Variants in NDUFA10 observed in about 807,000 individuals in gnomAD.
The protein encoded by NDUFA10 is NADH dehydrogenase [ubiquinone] 1 alpha subcomplex subunit 10, mitochondrial.
A neutral mutation model predicts 47.8 loss-of-function variants in NDUFA10; 40 were observed. The ratio of observed to expected loss-of-function variants is 0.84; its 90% CI spans 0.65 to 1.09. NDUFA10 has a LOEUF of 1.09. Among genes scored for constraint, NDUFA10 ranks in the 50% least tolerant of loss-of-function variants. NDUFA10 has a pLI of 0.00. For missense variants in NDUFA10, 413 were observed against 451.1 expected (o/e 0.92, Z 0.76); for synonymous variants, 183 against 172.2 (o/e 1.06, Z -0.49).
rs1227788324 is a variant in NDUFA10 at position 239,945,445 on chromosome 2, A to G, written c.294+44629T>C. Reference sequence around the variant, plus strand: ...TCCAGCTCCTTTCAAAGACGCTGGGAGGCCCCTCGGGGGAAGAGCGGACAC... The same window carrying G: ...TCCAGCTCCTTTCAAAGACGCTGGGGGGCCCCTCGGGGGAAGAGCGGACAC... On this transcript the variant is annotated intron_variant, in intron 4 of 5. Coordinates refer to the NDUFA10 transcript ENST00000419408. This position sits in a 1 kb window ranked among gnomAD's most constrained non-coding sequence, Gnocchi z 4.6. 6.6e-6 allele frequency among the ~76,000 whole-genome samples: 1 copy of G among 152,060 alleles called. No homozygotes were observed. The highest frequency in any genetic ancestry group is 1.5e-5 in the Non-Finnish European group (1 of 68,010).
At chr2:239,917,648 G>T (rs1693899883) in intron 4 of NDUFA10, among the ~76,000 whole-genome samples, 1 of 152,240 alleles carries the variant, frequency 6.6e-6, no homozygotes, top group Non-Finnish European at 1.5e-5. Flanking sequence ...TTGACTAATT[G>T]TTTTGCCTCT....
At chr2:240,007,229 G>A in intron 7 of NDUFA10, 87 bp downstream of exon 7, 2 of 990,854 alleles carry the variant, frequency 2.0e-6, no homozygotes, top group Non-Finnish European at 1.6e-6. Context: ...AAGACCAGTG[G>A]GAATCTAACT....
At chr2:240,014,563 C>T (rs1697258820) in intron 5 of NDUFA10, 176 bp downstream of exon 5, 1 of 1,020,802 alleles carries the variant, frequency 9.8e-7, no homozygotes, top group Non-Finnish European at 1.5e-6. Context: ...CCAGGCCGAG[C>T]CATGGGGTCT....
intron 4 of NDUFA10, among the ~76,000 whole-genome samples, chr2:239,925,304 G>A (rs980826650): frequency 6.6e-6 from 1 of 152,074 alleles, no homozygotes; most frequent in Non-Finnish European, 1.5e-5. Context: ...CCATCATTAC[G>A]GTAATCAAGA....
intron 2 of NDUFA10, 102 bp from the exon 3 acceptor site, chr2:240,021,514 G>A (rs570304330): frequency 3.4e-5 from 35 of 1,030,064 alleles, no homozygotes; most frequent in Middle Eastern, 5.8e-4. Context: ...GAATCTCACC[G>A]CCAGGGATGG....
intron 9 of NDUFA10, among the ~76,000 whole-genome samples, chr2:239,966,229 G>A (rs1695053072): frequency 6.6e-6 from 1 of 152,202 alleles, no homozygotes; most frequent in Non-Finnish European, 1.5e-5. Flanking sequence ...GGCTGACTCA[G>A]TGTACAAACC....
At chr2:239,978,522 C>A (rs1444767348) in intron 9 of NDUFA10, among the ~76,000 whole-genome samples, 2 of 152,180 alleles carry the variant, frequency 1.3e-5, no homozygotes, top group African/African-American at 4.8e-5. Context: ...GCAGAAAGCT[C>A]TTCTGACCAA....
chr2:239,957,003 G>GGCCCTCTGCACTCTCCTCA (rs1694671871), downstream of NDUFA10, among the ~76,000 whole-genome samples: 1 of 152,138 alleles, frequency 6.6e-6, no homozygotes, highest in Non-Finnish European at 1.5e-5. Flanking sequence ...TCGCCTCCCA[G>GGCCCTCTGCACTCTCCTCA]GCCCTCTGCA....
At chr2:239,895,648 T>C (rs1261744700) in intron 4 of NDUFA10, among the ~76,000 whole-genome samples, 1 of 152,242 alleles carries the variant, frequency 6.6e-6, no homozygotes, top group African/African-American at 2.4e-5. Context: ...TTACTGTTCA[T>C]TTTATATTGT....
chr2:240,015,768 A>C (rs780056577), intron 4 of NDUFA10, among the ~76,000 whole-genome samples: 1 of 152,260 alleles, frequency 6.6e-6, no homozygotes, highest in Non-Finnish European at 1.5e-5. Flanking sequence ...GGCCATGCTG[A>C]GAAGCCATCC....
chr2:239,923,962 A>G (rs1261280861), intron 4 of NDUFA10, among the ~76,000 whole-genome samples: 1 of 152,146 alleles, frequency 6.6e-6, no homozygotes, highest in Non-Finnish European at 1.5e-5. Context: ...AAATATTACA[A>G]ACATTACTGC....
At chr2:239,911,776 C>T (rs1474284407) in intron 4 of NDUFA10, among the ~76,000 whole-genome samples, 2 of 151,992 alleles carry the variant, frequency 1.3e-5, no homozygotes, top group South Asian at 2.1e-4. Context: ...CTCTTGTGCA[C>T]ACACACACCA....
At chr2:239,994,178 A>C (rs1263945555) in intron 8 of NDUFA10, among the ~76,000 whole-genome samples, 1 of 152,132 alleles carries the variant, frequency 6.6e-6, no homozygotes, top group Admixed American at 6.5e-5. Context: ...ACGGTTCAGC[A>C]GGGTCCTGTC....
At chr2:239,946,697 G>C (rs189257253) in intron 4 of NDUFA10, among the ~76,000 whole-genome samples, 1 of 152,244 alleles carries the variant, frequency 6.6e-6, no homozygotes, top group African/African-American at 2.4e-5. Flanking sequence ...AGGCAGGACC[G>C]AGGTTTTGTC....
chr2:239,905,499 G>C (rs1482590260), intron 4 of NDUFA10, among the ~76,000 whole-genome samples: 1 of 152,242 alleles, frequency 6.6e-6, no homozygotes, highest in Non-Finnish European at 1.5e-5. Context: ...GCGTCTACAC[G>C]CGTGTGAGGC....
intron 4 of NDUFA10, among the ~76,000 whole-genome samples, chr2:239,915,151 GAC>G (rs145156273): frequency 2.2e-5 from 3 of 137,796 alleles, no homozygotes; most frequent in Non-Finnish European, 4.7e-5. Context: ...CAAATATACA[GAC>G]ACACAGAGAT....
Position 240,015,171 on chromosome 2 carries a change from T to C in NDUFA10, c.548-311A>G, listed in dbSNP as rs75386464. On this transcript the variant is annotated intron_variant, in intron 4 of 9. Transcript: ENST00000252711. ...GAGAAATTAAGCTACTTACACAGAG[T>C]AAAACAGCAGCATTTAAACTGTGAC... 0.029 allele frequency among the ~76,000 whole-genome samples: 4,353 copies of C among 152,276 alleles called. 214 individuals carry two copies. Among genetic ancestry groups the C allele is most frequent in the African/African-American group, 0.098 (4,078 of 41,530 alleles).
At chr2:240,006,915 G>A (rs1696969388) in intron 7 of NDUFA10, among the ~76,000 whole-genome samples, 1 of 152,142 alleles carries the variant, frequency 6.6e-6, no homozygotes, top group African/African-American at 2.4e-5. Flanking sequence ...ATGTTTGTCT[G>A]GCTGTTATTC....
At chr2:239,903,691 C>G (rs115258498) in intron 4 of NDUFA10, among the ~76,000 whole-genome samples, 2 of 152,300 alleles carry the variant, frequency 1.3e-5, no homozygotes, top group Non-Finnish European at 2.9e-5. Context: ...AAATGTGTCC[C>G]GGCTCTGCCA....
Sources: gnomAD v4.1 joint callset for allele counts (sites outside exome capture counted in the v4.1 genomes callset) on GRCh38, gnomAD v4.1.1 for gene constraint, Gnocchi (gnomAD v3.1) non-coding constraint, MANE v1.5 for transcripts, NCBI Gene and HGNC (gene_info 2026-07-23, HGNC 2026-07-21) for gene names.